Variants in STAG1 observed in about 807,000 individuals in gnomAD.
STAG1 encodes cohesin subunit SA-1.
Under a neutral mutation model 170.9 loss-of-function variants are expected in STAG1, and 26 were observed. The observed-to-expected ratio is 0.15, with a 90% CI of 0.11 to 0.21. STAG1 has a LOEUF of 0.21. STAG1 is among the 10% of genes least tolerant of loss of function. STAG1 has a pLI of 1.00. For missense variants in STAG1, 964 were observed against 1,509.5 expected, an observed-to-expected ratio of 0.64 and a Z score of 5.99; for synonymous variants, 514 against 497.7, an observed-to-expected ratio of 1.03 and a Z score of -0.44.
chr3:136,502,280 A>G (rs1222701200), intron 8 of STAG1, among the ~76,000 whole-genome samples: 1 of 151,742 alleles, frequency 6.6e-6, no homozygotes, highest in Non-Finnish European at 1.5e-5. Flanking sequence ...TATACCAGCT[A>G]GTATGTAGCC....
intron 4 of STAG1, among the ~76,000 whole-genome samples, chr3:136,576,904 G>C (rs1359346009): frequency 1.3e-5 from 2 of 152,188 alleles, no homozygotes; most frequent in African/African-American, 4.8e-5. Context: ...GTTTGCTTTG[G>C]AGAAAGATAG....
chr3:136,519,636 TAAAGA>T (rs1934569899), intron 7 of STAG1, among the ~76,000 whole-genome samples: 3 of 150,102 alleles, frequency 2.0e-5, no homozygotes, highest in African/African-American at 7.3e-5. Flanking sequence ...ACAGAAAGTA[TAAAGA>T]AAAGAAAAAA....
rs570779748 is a variant in STAG1, at chr3:136,454,372, G to A, written c.1314-2225C>T. On this transcript the variant is annotated intron_variant, in intron 13 of 33. Transcript: ENST00000383202. Reference sequence around the variant, plus strand: ...TGGGATTACAGGCCTGAGCCACCGTGATCGGCTTATTTTATGTTTTTTTTG... The same window carrying A: ...TGGGATTACAGGCCTGAGCCACCGTAATCGGCTTATTTTATGTTTTTTTTG... 2.6e-5 allele frequency among the ~76,000 whole-genome samples: 4 copies of A among 151,502 alleles called. No homozygotes were observed. In the East Asian group the frequency reaches 7.8e-4, roughly 30 times the overall value.
intron 1 of STAG1, among the ~76,000 whole-genome samples, chr3:136,729,455 A>G (rs1933874870): frequency 6.6e-6 from 1 of 152,020 alleles, no homozygotes; most frequent in Admixed American, 6.6e-5. Context: ...AACTTAAAAT[A>G]TTGTAATATG....
At chr3:136,385,717 A>T (rs950782409) in intron 22 of STAG1, among the ~76,000 whole-genome samples, 1 of 152,108 alleles carries the variant, frequency 6.6e-6, no homozygotes, top group Non-Finnish European at 1.5e-5. Context: ...GAAACCTCTT[A>T]AAGAGACAGG....
chr3:136,395,722 T>G (rs1217631211), intron 22 of STAG1, among the ~76,000 whole-genome samples: 1 of 152,208 alleles, frequency 6.6e-6, no homozygotes, highest in Admixed American at 6.5e-5. Flanking sequence ...ATTCTAAATT[T>G]GCTAAATGCA....
At chr3:136,518,912 T>TG (rs1156530913) in intron 7 of STAG1, among the ~76,000 whole-genome samples, 2 of 151,598 alleles carry the variant, frequency 1.3e-5, no homozygotes, top group African/African-American at 4.8e-5. Flanking sequence ...AGAAAGGCAA[T>TG]GGGGGGAGGC....
rs549522464 is a variant in STAG1, at chr3:136,445,352, C to CA, written c.1429-1949dup. On this transcript the variant is annotated intron_variant, in intron 14 of 33. Transcript: ENST00000383202. ...TGACAGGAACAAGAGGTGCACAACT[C>CA]AAGAGTCAAAGATGAACAATGGCAG... Among the ~76,000 whole-genome samples the CA allele has an allele frequency of 4.2e-4, 64 of 152,014 alleles. No homozygotes were observed. In the East Asian group the frequency reaches 9.7e-3, roughly 23 times the overall value.
intron 1 of STAG1, among the ~76,000 whole-genome samples, chr3:136,709,682 T>G (rs1259010508): frequency 1.3e-5 from 2 of 151,322 alleles, no homozygotes; most frequent in Non-Finnish European, 2.9e-5. Flanking sequence ...CTACAGTAAG[T>G]TATAACCAAG....
intron 22 of STAG1, among the ~76,000 whole-genome samples, chr3:136,381,059 T>C (rs1323556875): frequency 7.3e-6 from 1 of 136,938 alleles, no homozygotes; most frequent in Admixed American, 7.2e-5. Context: ...AAAAGAAACA[T>C]AGGAACAAAT....
chr3:136,444,079 T>C (rs1379141614), intron 14 of STAG1, among the ~76,000 whole-genome samples: 1 of 142,750 alleles, frequency 7.0e-6, no homozygotes, highest in Non-Finnish European at 1.6e-5. Context: ...AATATTATCC[T>C]TTTTTTTTTT....
chr3:136,688,673 G>A (rs1193124212), intron 1 of STAG1, among the ~76,000 whole-genome samples: 1 of 152,140 alleles, frequency 6.6e-6, no homozygotes. Flanking sequence ...ATTACAGGCA[G>A]GAGCCACCAC....
intron 7 of STAG1, among the ~76,000 whole-genome samples, chr3:136,511,440 T>C (rs565466975): frequency 6.2e-4 from 95 of 152,318 alleles, no homozygotes; most frequent in African/African-American, 2.2e-3. Flanking sequence ...ATGTGGTACA[T>C]ATACACCATG....
At chr3:136,367,966 G>A (rs1016927825) in intron 24 of STAG1, among the ~76,000 whole-genome samples, 1 of 152,126 alleles carries the variant, frequency 6.6e-6, no homozygotes, top group Non-Finnish European at 1.5e-5. Flanking sequence ...GTCCTGGCCT[G>A]TCCTTATTTG....
chr3:136,655,095 A>G (rs1333404692), intron 1 of STAG1, among the ~76,000 whole-genome samples: 1 of 152,230 alleles, frequency 6.6e-6, no homozygotes, highest in Non-Finnish European at 1.5e-5. Flanking sequence ...GATTTCTCAG[A>G]ACAACATCGG....
Position 136,630,871 on chromosome 3 carries a change from G to C in STAG1, c.28C>G (p.Gln10Glu), listed in dbSNP as rs762305253. The part of the protein sequence containing the change: MITSELPVL[Q>E]DSTNETTAHS... ...AAAAAAGAAAATTACAATACTTACT[G>C]TAACACTGGTAATTCTGAAGTAATC... Residue 10 changes from glutamine (Q) to glutamate (E), a missense_variant and splice_region_variant, in exon 2 of 34, where the codon CAG becomes GAG. By Grantham distance (29) the Gln-to-Glu change is conservative. This residue lies in a region of STAG1 where 108 missense variants were observed against 120.2 expected (regional missense o/e 0.90). Coordinates refer to ENST00000383202, the MANE Select transcript of STAG1 (RefSeq NM_005862.3). 4 of 1,555,374 alleles carry C rather than the reference G, an allele frequency of 2.6e-6. No individual in the cohort carries two copies. The South Asian group carries it at 3.6e-5, about 14-fold the overall frequency.
intron 4 of STAG1, among the ~76,000 whole-genome samples, chr3:136,583,605 G>A (rs1315833165): frequency 6.6e-6 from 1 of 151,932 alleles, no homozygotes; most frequent in African/African-American, 2.4e-5. Context: ...CCTGGCCAAC[G>A]TGGTGAAACC....
At chr3:136,352,767 C>CATGATATTATCAA in intron 28 of STAG1, among the ~76,000 whole-genome samples, 1 of 152,236 alleles carries the variant, frequency 6.6e-6, no homozygotes, top group East Asian at 1.9e-4. Context: ...CTTTGTGTTA[C>CATGATATTATCAA]ATGATATTAT....
chr3:136,370,156 A>G (rs1025502558), intron 23 of STAG1, among the ~76,000 whole-genome samples: 1 of 152,060 alleles, frequency 6.6e-6, no homozygotes, highest in African/African-American at 2.4e-5. Flanking sequence ...TATGAAAAAA[A>G]TTAACTGTGA....
Sources: allele counts gnomAD v4.1 joint callset (sites outside exome capture counted in the v4.1 genomes callset), GRCh38; gene constraint gnomAD v4.1.1; regional missense constraint gnomAD v4.1.1; transcripts MANE v1.5; gene names NCBI Gene and HGNC (gene_info 2026-07-23, HGNC 2026-07-21).